The following MAD1L1 variants were observed in gnomAD, a reference collection of about 807,000 sequenced individuals.
The protein encoded by MAD1L1 is mitotic spindle assembly checkpoint protein MAD1.
MAD1L1 carries 95 observed loss-of-function variants against 96.9 expected under a neutral mutation model. The ratio of observed to expected loss-of-function variants is 0.98; its 90% CI spans 0.83 to 1.16. The LOEUF is 1.16. MAD1L1 is among the 50% of genes most tolerant of loss of function. MAD1L1 has a pLI of 0.00. For synonymous variants in MAD1L1, 473 were observed against 396.6 expected, an observed-to-expected ratio of 1.19 and a Z score of -2.29; for missense variants, 1,007 against 954.4, an observed-to-expected ratio of 1.06 and a Z score of -0.73.
chr7:2,000,449 CCCACAAGGTTGGACTACCAA>C (rs1259199026), intron 14 of MAD1L1, among the ~76,000 whole-genome samples: 2 of 152,204 alleles, frequency 1.3e-5, no homozygotes, highest in African/African-American at 4.8e-5. Context: ...CCACACAGGG[CCCACAAGGTTGGACTACCAA>C]CCACCGCGGA....
At chr7:1,971,068 G>A (rs865775293) in intron 15 of MAD1L1, among the ~76,000 whole-genome samples, 2 of 152,212 alleles carry the variant, frequency 1.3e-5, no homozygotes, top group Non-Finnish European at 2.9e-5. Flanking sequence ...GGGGCCCACA[G>A]CCAGCCCTTC....
rs558464214 is a variant in MAD1L1 at position 2,214,585 on chromosome 7, G to A, written c.924+1300C>T. On this transcript the variant is annotated intron_variant, in intron 9 of 18. Coordinates refer to ENST00000265854, the MANE Select transcript of MAD1L1 (RefSeq NM_001013836.2). ...GGCCCCACAACCACCGGAGAAAGGC[G>A]GCATAGGTGTGCCAGGCACAGAGGG... 7.9e-5 allele frequency among the ~76,000 whole-genome samples: 12 copies of A among 152,288 alleles called. No individual in the cohort carries two copies. The East Asian group carries it at 1.7e-3, about 22-fold the overall frequency.
intron 12 of MAD1L1, among the ~76,000 whole-genome samples, chr7:2,068,769 G>A (rs1218148366): frequency 1.3e-5 from 2 of 152,228 alleles, no homozygotes; most frequent in African/African-American, 4.8e-5. Flanking sequence ...CCACCCACAG[G>A]TGGGGCACAC....
chr7:1,907,758 A>G (rs1256182070), intron 17 of MAD1L1, among the ~76,000 whole-genome samples: 1 of 152,264 alleles, frequency 6.6e-6, no homozygotes, highest in African/African-American at 2.4e-5. Context: ...TCTTAATAAA[A>G]CACATCCCTG....
At chr7:1,945,641 G>A (rs940596598) in intron 16 of MAD1L1, among the ~76,000 whole-genome samples, 15 of 152,336 alleles carry the variant, frequency 9.8e-5, no homozygotes, top group African/African-American at 2.2e-4. Context: ...ATGGGGTGCC[G>A]GGCCCGGCCA....
intron 15 of MAD1L1, among the ~76,000 whole-genome samples, chr7:1,966,868 C>G (rs1034010746): frequency 3.4e-4 from 52 of 152,188 alleles, no homozygotes; most frequent in African/African-American, 1.2e-3. Context: ...TTCAGGAACA[C>G]GAGAGGAATA....
At chr7:1,967,207 A>G (rs1780204521) in intron 15 of MAD1L1, among the ~76,000 whole-genome samples, 1 of 152,222 alleles carries the variant, frequency 6.6e-6, no homozygotes, top group African/African-American at 2.4e-5. Context: ...GTAGGCAGTG[A>G]TAAGTACTCT....
At position 1,974,658 on chromosome 7, in the gene MAD1L1, G is replaced by A. The variant is rs1401513338; in HGVS notation, c.1505+5795C>T. ...AGATTTAAGAGAGAGAAAACTATTCGAAAATCCAACATCCAAGTAACAGTT... is the reference window on the plus strand; with the variant it reads ...AGATTTAAGAGAGAGAAAACTATTCAAAAATCCAACATCCAAGTAACAGTT... On this transcript the variant is annotated intron_variant, in intron 15 of 18. Transcript: ENST00000265854. 3.3e-5 allele frequency among the ~76,000 whole-genome samples: 5 copies of A among 152,316 alleles called. No individual in the cohort carries two copies. In the South Asian group the frequency reaches 6.2e-4, roughly 19 times the overall value.
chr7:1,926,648 T>A (rs535312269), intron 17 of MAD1L1, among the ~76,000 whole-genome samples: 1 of 152,230 alleles, frequency 6.6e-6, no homozygotes, highest in African/African-American at 2.4e-5. Context: ...ATCCCATCAA[T>A]TGATGCAGGA....
intron 10 of MAD1L1, among the ~76,000 whole-genome samples, chr7:2,198,423 C>T (rs959529961): frequency 6.6e-6 from 1 of 152,222 alleles, no homozygotes; most frequent in African/African-American, 2.4e-5. Context: ...AGCAACAAAA[C>T]CACTGCCTGA....
intron 11 of MAD1L1, among the ~76,000 whole-genome samples, chr7:2,137,693 T>C (rs1405098073): frequency 6.6e-6 from 1 of 152,082 alleles, no homozygotes; most frequent in Non-Finnish European, 1.5e-5. Context: ...TTCCCCATGG[T>C]CCCGGGTCAC....
intron 18 of MAD1L1, among the ~76,000 whole-genome samples, chr7:1,825,371 G>A (rs767454864): frequency 2.2e-4 from 33 of 152,226 alleles, no homozygotes; most frequent in African/African-American, 4.6e-4. Context: ...CCAGGCTGGC[G>A]TCATGGCTGG....
intron 16 of MAD1L1, among the ~76,000 whole-genome samples, chr7:1,951,978 G>A (rs1174515823): frequency 6.6e-6 from 1 of 152,158 alleles, no homozygotes; most frequent in Non-Finnish European, 1.5e-5. Flanking sequence ...GGTCAGTGTG[G>A]TGAAACAAAG....
At chr7:2,144,285 G>C (rs1789185352) in intron 11 of MAD1L1, among the ~76,000 whole-genome samples, 3 of 152,250 alleles carry the variant, frequency 2.0e-5, no homozygotes, top group African/African-American at 7.2e-5. Flanking sequence ...GGTGAGGGCA[G>C]ATGCGAGACA....
Position 1,896,964 on chromosome 7 carries a change from G to A in MAD1L1, c.1998+1236C>T, listed in dbSNP as rs141205663. ...TACAGAATTATACAAAAGCGAAGAA[G>A]TACATTTCTGATAGCTTAAAGACTT... On this transcript the variant is annotated intron_variant, in intron 18 of 18. Coordinates refer to ENST00000265854, the MANE Select transcript of MAD1L1 (RefSeq NM_001013836.2). Among the ~76,000 whole-genome samples the A allele has an allele frequency of 3.9e-5, 6 of 152,352 alleles. No homozygotes were observed. The South Asian group carries it at 6.2e-4, about 16-fold the overall frequency.
At chr7:2,093,906 G>A (rs958256813) in intron 11 of MAD1L1, among the ~76,000 whole-genome samples, 5 of 152,190 alleles carry the variant, frequency 3.3e-5, no homozygotes, top group African/African-American at 7.2e-5. Context: ...ATGTCAGGTC[G>A]GCAGTCGGAA....
chr7:1,952,148 G>A (rs1442719696), intron 16 of MAD1L1, among the ~76,000 whole-genome samples: 1 of 152,174 alleles, frequency 6.6e-6, no homozygotes, highest in Admixed American at 6.5e-5. Context: ...TAAAACAGAC[G>A]CCCAACTTCA....
chr7:1,979,975 A>T (rs1780818472), intron 15 of MAD1L1, among the ~76,000 whole-genome samples: 1 of 152,204 alleles, frequency 6.6e-6, no homozygotes, highest in African/African-American at 2.4e-5. Flanking sequence ...AGCAGAGACG[A>T]GTGTCCCTGC....
intron 12 of MAD1L1, among the ~76,000 whole-genome samples, chr7:2,018,069 G>T (rs576969546): frequency 2.0e-5 from 3 of 152,160 alleles, no homozygotes; most frequent in African/African-American, 7.2e-5. Context: ...AGATATGGAC[G>T]GAGGCACCGC....
Sources: allele counts gnomAD v4.1 joint callset (sites outside exome capture counted in the v4.1 genomes callset), GRCh38; gene constraint gnomAD v4.1.1; transcripts MANE v1.5; gene names NCBI Gene and HGNC (gene_info 2026-07-23, HGNC 2026-07-21).